IL1R1: variants seen among roughly 807,000 people sequenced by gnomAD.
IL1R1 encodes the protein interleukin 1 receptor type 1.
In IL1R1, 22 loss-of-function variants were observed where a neutral mutation model predicts 50.2. The observed-to-expected ratio is 0.44, with a 90% CI of 0.31 to 0.63. The LOEUF (loss-of-function observed/expected upper bound fraction) is 0.63, where lower values mean the gene tolerates loss of function less well. Among genes scored for constraint, IL1R1 ranks in the 20% least tolerant of loss-of-function variants. The pLI, the probability that IL1R1 is intolerant of heterozygous loss-of-function variation, is 0.07. For synonymous variants in IL1R1, 251 were observed against 236.7 expected (o/e 1.06, Z -0.55); for missense variants, 509 against 676.2 (o/e 0.75, Z 2.74).
chr2:102,087,671 G>A (rs143077277), intron 1 of IL1R1, among the ~76,000 whole-genome samples: 16 of 152,204 alleles, frequency 1.1e-4, no homozygotes, highest in African/African-American at 2.6e-4. Flanking sequence ...CTCTCTCTCC[G>A]TCTCTCCTGC....
At chr2:102,170,089 A>G (rs558500540) in intron 7 of IL1R1, among the ~76,000 whole-genome samples, 1 of 152,318 alleles carries the variant, frequency 6.6e-6, no homozygotes, top group Admixed American at 6.5e-5. Flanking sequence ...TCAATCTACA[A>G]AAAAAAGCTT....
Position 102,178,254 on chromosome 2 carries a change from A to G in IL1R1, c.*1495A>G, listed in dbSNP as rs987660575. On this transcript the variant is annotated 3_prime_UTR_variant, in exon 12 of 12. Transcript: ENST00000410023. The stretch of plus-strand genomic sequence containing the variant: ...CTCTCTGGTCAGGCCCACTGCAGAG[A>G]TGGTGGTGAGCACATCTGGGAGGCT... 1.3e-5 allele frequency: 2 copies of G among 152,286 alleles called. No individual in the cohort carries two copies. Among genetic ancestry groups the G allele is most frequent in the African/African-American group, 4.8e-5 (2 of 41,416 alleles). 9.4% of individuals were successfully genotyped at this position (152,286 alleles called of 1,614,324 possible). A position where few individuals can be genotyped will look rare whatever the true frequency, so the allele number is the denominator to read the frequency against.
intron 1 of IL1R1, among the ~76,000 whole-genome samples, chr2:102,077,671 C>A (rs1211996916): frequency 1.3e-5 from 2 of 152,148 alleles, no homozygotes; most frequent in African/African-American, 2.4e-5. Context: ...TCTTTGCATG[C>A]ATGGTAATTT....
chr2:102,168,933 T>C (rs1685434354), intron 7 of IL1R1, among the ~76,000 whole-genome samples: 1 of 151,870 alleles, frequency 6.6e-6, no homozygotes, highest in African/African-American at 2.4e-5. Context: ...TCAAAAGGCC[T>C]AGGAACCAGC....
intron 1 of IL1R1, among the ~76,000 whole-genome samples, chr2:102,091,240 T>A (rs942481065): frequency 2.0e-5 from 3 of 152,244 alleles, no homozygotes; most frequent in African/African-American, 7.2e-5. Context: ...CTTCTTCTAG[T>A]AGTTTTTTTT....
At position 102,177,814 on chromosome 2, in the gene IL1R1, C is replaced by T. The variant is rs1171266888; in HGVS notation, c.*1055C>T. The T allele has an allele frequency of 6.6e-6, 1 of 152,410 alleles. No individual in the cohort carries two copies. The highest frequency in any genetic ancestry group is 1.9e-4 in the East Asian group (1 of 5,314). The allele number at this position is 152,410 out of a possible 1,614,324, so 9.4% of individuals were successfully genotyped here. A position where few individuals can be genotyped will look rare whatever the true frequency, so the allele number is the denominator to read the frequency against. On this transcript the variant is annotated 3_prime_UTR_variant, in exon 12 of 12. Coordinates refer to ENST00000410023, the MANE Select transcript of IL1R1 (RefSeq NM_000877.4). ...CTTTGGAGGAACAGCTCCCTAGTGG[C>T]TTCCTCCGTCTGCAATGTCCCTTGC...
chr2:102,129,045 A>G (rs962854104), intron 1 of IL1R1, among the ~76,000 whole-genome samples: 33 of 152,130 alleles, frequency 2.2e-4, no homozygotes, highest in African/African-American at 7.7e-4. Context: ...CTAAAGAATA[A>G]AAAAGTAAAC....
intron 3 of IL1R1, among the ~76,000 whole-genome samples, chr2:102,163,389 C>T (rs1684896910): frequency 6.6e-6 from 1 of 152,052 alleles, no homozygotes; most frequent in Admixed American, 6.5e-5. Flanking sequence ...AAATAATTCC[C>T]TGCCCATTTT....
chr2:102,151,655 A>G (rs1293044569), intron 1 of IL1R1, among the ~76,000 whole-genome samples: 1 of 152,236 alleles, frequency 6.6e-6, no homozygotes, highest in Non-Finnish European at 1.5e-5. Context: ...CCAGCAGTTC[A>G]AGGCACCTCG....
At chr2:102,170,462 TTTA>T (rs1201186684) in intron 7 of IL1R1, among the ~76,000 whole-genome samples, 3 of 152,204 alleles carry the variant, frequency 2.0e-5, no homozygotes, top group African/African-American at 7.2e-5. Flanking sequence ...AAAAGACATT[TTTA>T]TTATTGTTTC....
intron 1 of IL1R1, among the ~76,000 whole-genome samples, chr2:102,108,024 T>C (rs1680516629): frequency 6.6e-6 from 1 of 152,206 alleles, no homozygotes. Context: ...AAGATTGTAC[T>C]GGGAATATAA....
At chr2:102,131,532 T>C (rs1682028000) in intron 1 of IL1R1, among the ~76,000 whole-genome samples, 1 of 152,030 alleles carries the variant, frequency 6.6e-6, no homozygotes, top group Non-Finnish European at 1.5e-5. Flanking sequence ...GTCTAACTTC[T>C]AGAGATAACA....
At chr2:102,146,214 T>C (rs564147725) in intron 1 of IL1R1, among the ~76,000 whole-genome samples, 6 of 152,080 alleles carry the variant, frequency 3.9e-5, no homozygotes, top group Non-Finnish European at 8.8e-5. Context: ...AGCCAATGAC[T>C]AATGACTAAG....
intron 1 of IL1R1, among the ~76,000 whole-genome samples, chr2:102,073,495 C>T (rs960259982): frequency 1.3e-4 from 20 of 152,162 alleles, no homozygotes; most frequent in Non-Finnish European, 2.2e-4. Flanking sequence ...CCCTCCCTTC[C>T]CTCAACCTCC....
intron 1 of IL1R1, among the ~76,000 whole-genome samples, chr2:102,115,066 TG>T (rs1312819801): frequency 3.9e-5 from 6 of 152,204 alleles, no homozygotes; most frequent in Non-Finnish European, 8.8e-5. Context: ...GGCTGCATAT[TG>T]GAATCACCTG....
At chr2:102,097,286 A>G (rs1052951335) in intron 1 of IL1R1, among the ~76,000 whole-genome samples, 6 of 152,208 alleles carry the variant, frequency 3.9e-5, no homozygotes, top group African/African-American at 1.4e-4. Context: ...GCCCTGGACT[A>G]GTGGCTTGGT....
chr2:102,146,415 A>G (rs888232526), intron 1 of IL1R1, among the ~76,000 whole-genome samples: 2 of 152,216 alleles, frequency 1.3e-5, no homozygotes, highest in South Asian at 2.1e-4. Context: ...AATAAAAGCA[A>G]TTTGTATTAA....
chr2:102,094,671 A>T (rs1341820945), intron 1 of IL1R1, among the ~76,000 whole-genome samples: 1 of 152,232 alleles, frequency 6.6e-6, no homozygotes, highest in Non-Finnish European at 1.5e-5. Context: ...ATTAACTCTT[A>T]TATCAAAACC....
At chr2:102,086,085 A>G (rs1174887778) in intron 1 of IL1R1, among the ~76,000 whole-genome samples, 1 of 152,198 alleles carries the variant, frequency 6.6e-6, no homozygotes, top group Non-Finnish European at 1.5e-5. Flanking sequence ...TTGACCTTTT[A>G]TCCACTAGCA....
Sources: allele counts gnomAD v4.1 joint callset (sites outside exome capture counted in the v4.1 genomes callset), GRCh38; gene constraint gnomAD v4.1.1; transcripts MANE v1.5; gene names NCBI Gene and HGNC (gene_info 2026-07-23, HGNC 2026-07-21).